The following UGT2A3 variants were observed in gnomAD, a reference collection of about 807,000 sequenced individuals.
UGT2A3 encodes UDP glucuronosyltransferase family 2 member A3.
Under a neutral mutation model 44.1 loss-of-function variants are expected in UGT2A3, and 55 were observed. The ratio of observed to expected loss-of-function variants is 1.25; its 90% CI spans 1.00 to 1.56. The LOEUF is 1.56. Among genes scored for constraint, UGT2A3 ranks in the 40% most tolerant of loss-of-function variants. UGT2A3 has a pLI of 0.00. For missense variants in UGT2A3, 733 were observed against 621.6 expected, an observed-to-expected ratio of 1.18 and a Z score of -1.91; for synonymous variants, 243 against 215.1, an observed-to-expected ratio of 1.13 and a Z score of -1.13.
At chr4:68,931,283 G>C (rs1560455004) in intron 3 of UGT2A3, 41 bp from the exon 4 acceptor site, 1 of 1,462,264 alleles carries the variant, frequency 6.8e-7, no homozygotes, top group Non-Finnish European at 9.5e-7. Context: ...TGAACCACAG[G>C]ATATTAGCAT....
chr4:68,951,147 A>G lies in UGT2A3; in HGVS notation c.614T>C (p.Phe205Ser). 1.2e-6 allele frequency: 2 copies of G among 1,611,842 alleles called. No individual in the cohort carries two copies. The highest frequency in any genetic ancestry group is 1.7e-5 in the Admixed American group (1 of 59,728). ...PMTGLTDRMT[F>S]LERVKNSMLS... is the part of the protein sequence containing the mutation. ...CATTGAATTTTTTACTCTTTCCAGA[A>G]AGGTCATTCTGTCTGTTAGTCCTGT... Residue 205 changes from phenylalanine (F) to serine (S), a missense_variant, in exon 1 of 6, where the codon TTT (phenylalanine) becomes TCT (serine). Coordinates refer to ENST00000251566, the MANE Select transcript of UGT2A3 (RefSeq NM_024743.4).
chr4:68,948,170 T>C (rs924121913), intron 1 of UGT2A3, among the ~76,000 whole-genome samples: 38 of 151,834 alleles, frequency 2.5e-4, no homozygotes, highest in African/African-American at 8.5e-4. Flanking sequence ...TTGTTTACTG[T>C]AGCCACATTT....
At chr4:68,947,519 A>AT (rs1317002151) in intron 1 of UGT2A3, among the ~76,000 whole-genome samples, 1 of 151,730 alleles carries the variant, frequency 6.6e-6, no homozygotes, top group Non-Finnish European at 1.5e-5. Flanking sequence ...TTAGAATCAA[A>AT]TTTTTTCCAA....
Position 68,930,032 on chromosome 4 carries a change from T to G in UGT2A3, c.1365A>C (p.Leu455=). The change falls in exon 6 of 6, where the codon CTA becomes CTC. Residue 455 remains leucine, a synonymous_variant. Transcript: ENST00000251566. ...RIHHDQPVKP[L]DRAVFWIEFV... The stretch of plus-strand genomic sequence containing the variant: ...ACTCGATCCAGAAGACTGCTCGATC[T>G]AGGGGCTTTACAGGTTGATCATGGT... 6.2e-7 allele frequency: 1 copy of G among 1,613,498 alleles called. No homozygotes were observed. Among genetic ancestry groups the G allele is most frequent in the Non-Finnish European group, 8.5e-7 (1 of 1,179,644 alleles).
intron 1 of UGT2A3, among the ~76,000 whole-genome samples, chr4:68,946,797 GA>G (rs1718400294): frequency 6.6e-6 from 1 of 151,492 alleles, no homozygotes; most frequent in Non-Finnish European, 1.5e-5. Context: ...TCAATAAAAG[GA>G]ATATGCCAAT....
intron 5 of UGT2A3, 75 bp downstream of exon 5, chr4:68,930,468 GGAT>G (rs1717687672): frequency 1.5e-6 from 2 of 1,315,008 alleles, no homozygotes; most frequent in Non-Finnish European, 2.1e-6. Context: ...ATGTCTACCA[GGAT>G]GATATTTAAC....
chr4:68,941,859 G>C (rs2109789062), intron 2 of UGT2A3, among the ~76,000 whole-genome samples: 1 of 151,886 alleles, frequency 6.6e-6, no homozygotes. Context: ...AAGACTATCA[G>C]TGACTAAGAA....
chr4:68,939,851 GA>G (rs1243540840), intron 2 of UGT2A3, among the ~76,000 whole-genome samples: 4 of 150,770 alleles, frequency 2.7e-5, no homozygotes, highest in African/African-American at 9.7e-5. Context: ...AAATTTACAG[GA>G]AAAAAACAAA....
intron 2 of UGT2A3, among the ~76,000 whole-genome samples, chr4:68,944,296 C>T (rs1262692591): frequency 6.6e-6 from 1 of 151,698 alleles, no homozygotes; most frequent in East Asian, 2.0e-4. Context: ...GTATAGATTG[C>T]ACACTTAGGC....
Position 68,930,967 on chromosome 4 carries a change from CA to C in UGT2A3, c.1084+187del, listed in dbSNP as rs373025999. On this transcript the variant is annotated intron_variant, in intron 4 of 5. Transcript: ENST00000251566. The stretch of plus-strand genomic sequence containing the variant: ...CATTAATTCCTTCTGAATTTCCTGT[CA>C]CTCTCACCTTAACAATAGAAAGTGT... 3.3e-3 allele frequency among the ~76,000 whole-genome samples: 497 copies of C among 152,240 alleles called. 3 individuals carry two copies. Among genetic ancestry groups the C allele is most frequent in the African/African-American group, 0.012 (479 of 41,584 alleles).
chr4:68,940,765 A>G (rs975470994), intron 2 of UGT2A3, among the ~76,000 whole-genome samples: 10 of 147,882 alleles, frequency 6.8e-5, no homozygotes, highest in Admixed American at 6.1e-4. Context: ...TAATATACAC[A>G]TATATACATA....
Position 68,945,379 on chromosome 4 carries a change from A to T in UGT2A3, c.791T>A (p.Phe264Tyr). 1 of 1,611,548 alleles carries T rather than the reference A, an allele frequency of 6.2e-7. No homozygotes were observed. The highest frequency in any genetic ancestry group is 8.5e-7 in the Non-Finnish European group (1 of 1,178,536). The change falls in exon 2 of 6, where the codon TTT becomes TAT. Residue 264 changes from phenylalanine (F) to tyrosine (Y), a missense_variant. Physicochemically the swap from Phe to Tyr is conservative, Grantham distance 22 (BLOSUM62 3). Coordinates refer to ENST00000251566, the MANE Select transcript of UGT2A3 (RefSeq NM_024743.4). ...WLIRTYWDFE[F>Y]PQPYQPNFEF... Reference sequence around the variant, plus strand: ...AAAGTTAGGTTGGTATGGTTGAGGAAATTCAAAATCCCAATATGTTCGTAT... The same window carrying T: ...AAAGTTAGGTTGGTATGGTTGAGGATATTCAAAATCCCAATATGTTCGTAT...
chr4:68,935,314 A>G (rs1717903006), intron 2 of UGT2A3, among the ~76,000 whole-genome samples: 3 of 137,700 alleles, frequency 2.2e-5, no homozygotes, highest in African/African-American at 5.6e-5. Context: ...ATATATATAT[A>G]TATGCATAAT....
chr4:68,937,459 C>T (rs187184881), intron 2 of UGT2A3, among the ~76,000 whole-genome samples: 67 of 152,224 alleles, frequency 4.4e-4, no homozygotes, highest in Non-Finnish European at 8.1e-4. Flanking sequence ...ACCTGAATGA[C>T]TACCAGAGAA....
intron 2 of UGT2A3, among the ~76,000 whole-genome samples, chr4:68,944,706 C>A (rs886230022): frequency 2.0e-5 from 3 of 151,718 alleles, no homozygotes; most frequent in Non-Finnish European, 4.4e-5. Context: ...TTAAACCTCA[C>A]CTAACATTCT....
intron 2 of UGT2A3, among the ~76,000 whole-genome samples, chr4:68,933,509 C>T (rs769348031): frequency 2.6e-5 from 4 of 151,996 alleles, no homozygotes; most frequent in Non-Finnish European, 5.9e-5. Context: ...AGAGCAGAAG[C>T]ACTAATCACA....
At position 68,942,504 on chromosome 4, in the gene UGT2A3, GATATATATATAT is replaced by G. The variant is rs34118122; in HGVS notation, c.864+2790_864+2801del. On this transcript the variant is annotated intron_variant, in intron 2 of 5. Coordinates refer to ENST00000251566, the MANE Select transcript of UGT2A3 (RefSeq NM_024743.4). The stretch of plus-strand genomic sequence containing the variant: ...TATAGCTCAATAGCATTCCACTGGA[GATATATATATAT>G]ATATATATATATATATATATATACA... 2.8e-3 allele frequency among the ~76,000 whole-genome samples: 367 copies of G among 131,022 alleles called. 4 individuals carry two copies. Among genetic ancestry groups the G allele is most frequent in the African/African-American group, 0.01 (346 of 33,462 alleles). 86.0% of individuals were successfully genotyped at this position (131,022 alleles called of 152,430 possible). A position where few individuals can be genotyped will look rare whatever the true frequency, so the allele number is the denominator to read the frequency against.
At chr4:68,935,609 C>A (rs193221008) in intron 2 of UGT2A3, among the ~76,000 whole-genome samples, 14 of 151,980 alleles carry the variant, frequency 9.2e-5, no homozygotes, top group Non-Finnish European at 2.1e-4. Context: ...GGAGAGAAAC[C>A]AGAGCAGAAA....
chr4:68,943,729 CA>C (rs1265042394), intron 2 of UGT2A3, among the ~76,000 whole-genome samples: 1 of 151,714 alleles, frequency 6.6e-6, no homozygotes, highest in African/African-American at 2.4e-5. Context: ...TGTGTTCAGT[CA>C]GGATTTTTAC....
Sources: gnomAD v4.1 joint callset for allele counts (sites outside exome capture counted in the v4.1 genomes callset) on GRCh38, gnomAD v4.1.1 for gene constraint, MANE v1.5 for transcripts, NCBI Gene and HGNC (gene_info 2026-07-23, HGNC 2026-07-21) for gene names.